AP3S1: variants seen among roughly 807,000 people sequenced by gnomAD.
AP3S1 encodes AP-3 complex subunit sigma-1.
In AP3S1, 12 loss-of-function variants were observed where a neutral mutation model predicts 21.3. The observed-to-expected ratio is 0.56, with a 90% CI of 0.36 to 0.91. The LOEUF (loss-of-function observed/expected upper bound fraction) is 0.91. Ranked by LOEUF, AP3S1 falls within the 40% of genes least tolerant of loss-of-function variation. The probability of loss-of-function intolerance (pLI) is 0.01; values close to 1 mark genes in which losing one functional copy is unlikely to be tolerated. For synonymous variants in AP3S1, 48 were observed against 78.4 expected (o/e 0.61, Z 2.05); for missense variants, 116 against 225.0 (o/e 0.52, Z 3.10).
At chr5:115,884,322 T>A (rs1749572462) in intron 3 of AP3S1, among the ~76,000 whole-genome samples, 1 of 152,216 alleles carries the variant, frequency 6.6e-6, no homozygotes, top group Non-Finnish European at 1.5e-5. Flanking sequence ...CCTTTACTTT[T>A]CAGCTTAAAA....
intron 5 of AP3S1, 28 bp from the exon 6 acceptor site, chr5:115,913,334 T>C: frequency 6.3e-7 from 1 of 1,583,822 alleles, no homozygotes; most frequent in South Asian, 1.2e-5. Context: ...GTACATTTTC[T>C]TTTTCTTTTA....
chr5:115,905,994 A>AGT (rs1010777470), intron 5 of AP3S1, among the ~76,000 whole-genome samples: 1 of 152,124 alleles, frequency 6.6e-6, no homozygotes, highest in Non-Finnish European at 1.5e-5. Context: ...CGTCTCTACT[A>AGT]AAAATACAAA....
intron 3 of AP3S1, among the ~76,000 whole-genome samples, chr5:115,874,939 C>A (rs1249479341): frequency 6.6e-6 from 1 of 152,024 alleles, no homozygotes; most frequent in African/African-American, 2.4e-5. Context: ...CCCTAACTTT[C>A]CTCATCCACA....
chr5:115,910,232 C>G (rs1226625940), intron 5 of AP3S1, among the ~76,000 whole-genome samples: 1 of 150,166 alleles, frequency 6.7e-6, no homozygotes, highest in African/African-American at 2.5e-5. Flanking sequence ...ATCACTCACT[C>G]CACTGTGGGT....
intron 1 of AP3S1, chr5:115,852,865 A>G (rs901028597): frequency 1.3e-5 from 4 of 318,706 alleles, no homozygotes; most frequent in East Asian, 8.2e-5. Flanking sequence ...TTGTTTGTCC[A>G]TTTATCAATT....
intron 1 of AP3S1, among the ~76,000 whole-genome samples, chr5:115,851,562 G>A (rs1343301144): frequency 6.6e-6 from 1 of 152,028 alleles, no homozygotes; most frequent in Non-Finnish European, 1.5e-5. Context: ...CATTTCTTTA[G>A]TGACTAGTGC....
Position 115,866,653 on chromosome 5 carries a change from G to T in AP3S1, c.70-17G>T. On this transcript the variant is annotated splice_polypyrimidine_tract_variant and intron_variant, in intron 1 of 5. Transcript: ENST00000316788. Reference sequence around the variant, plus strand: ...CTATACACTCCATCCTAATATATATGAATTATTCTTCCTCAGAGTGAAGAT... The same window carrying T: ...CTATACACTCCATCCTAATATATATTAATTATTCTTCCTCAGAGTGAAGAT... The T allele has an allele frequency of 6.5e-7, 1 of 1,541,656 alleles. No homozygotes were observed. The highest frequency in any genetic ancestry group is 1.2e-5 in the South Asian group (1 of 85,756).
At chr5:115,863,411 A>G (rs1440925856) in intron 1 of AP3S1, among the ~76,000 whole-genome samples, 1 of 151,884 alleles carries the variant, frequency 6.6e-6, no homozygotes, top group Non-Finnish European at 1.5e-5. Context: ...AAATAAAAAT[A>G]AAAATACAAA....
Position 115,892,218 on chromosome 5 carries a change from T to C in AP3S1, c.274-2869T>C, listed in dbSNP as rs6892810. Among the ~76,000 whole-genome samples the C allele has an allele frequency of 6.3e-3, 955 of 152,240 alleles. 10 individuals carry two copies. Among genetic ancestry groups the C allele is most frequent in the African/African-American group, 0.022 (911 of 41,556 alleles). On this transcript the variant is annotated intron_variant, in intron 3 of 5. Coordinates refer to ENST00000316788, the MANE Select transcript of AP3S1 (RefSeq NM_001284.4). ...AACCCTTGTACACTTGGTGAGAACA[T>C]AAATTAGCACAGCCACCATGGGGAG...
chr5:115,866,728 A>G lies in AP3S1; in HGVS notation c.128A>G (p.Asp43Gly), dbSNP rs548083641. 11 of 1,605,286 alleles carry G rather than the reference A, an allele frequency of 6.9e-6. No individual in the cohort carries two copies. The highest frequency in any genetic ancestry group is 2.2e-5 in the South Asian group (2 of 89,814). Reference sequence around the variant, plus strand: ...ACTTTCCATTTGGTATCTAAGAGAGATGAAAATGTTTGTAATTTCCTAGAA... The same window carrying G: ...ACTTTCCATTTGGTATCTAAGAGAGGTGAAAATGTTTGTAATTTCCTAGAA... ...RETFHLVSKR[D>G]ENVCNFLEGG... Residue 43 changes from aspartate (D) to glycine (G), a missense_variant, in exon 2 of 6, where the codon GAT becomes GGT. This residue lies in a region of AP3S1 where 50 missense variants were observed against 55.5 expected (regional missense o/e 0.90). Coordinates refer to ENST00000316788, the MANE Select transcript of AP3S1 (RefSeq NM_001284.4).
chr5:115,866,955 A>C (rs1238635589), intron 2 of AP3S1, among the ~76,000 whole-genome samples, 194 bp downstream of exon 2: 1 of 152,108 alleles, frequency 6.6e-6, no homozygotes, highest in Admixed American at 6.5e-5. Flanking sequence ...TCCTCTTAAA[A>C]ATTTTGGAAG....
chr5:115,866,806 A>G (rs755880603), intron 2 of AP3S1, 45 bp downstream of exon 2: 9 of 1,321,934 alleles, frequency 6.8e-6, no homozygotes, highest in Admixed American at 1.9e-5. Context: ...TGACTATGTG[A>G]TTAAAATATA....
At chr5:115,892,305 G>C (rs1750376458) in intron 3 of AP3S1, among the ~76,000 whole-genome samples, 1 of 151,992 alleles carries the variant, frequency 6.6e-6, no homozygotes, top group Non-Finnish European at 1.5e-5. Context: ...CTCACTGCTG[G>C]GTATATATTC....
At chr5:115,910,318 A>G (rs190100919) in intron 5 of AP3S1, among the ~76,000 whole-genome samples, 2 of 152,106 alleles carry the variant, frequency 1.3e-5, no homozygotes, top group East Asian at 3.9e-4. Flanking sequence ...CTCTATCACA[A>G]TATTGTACTG....
At chr5:115,891,385 A>C (rs557882280) in intron 3 of AP3S1, among the ~76,000 whole-genome samples, 1 of 152,104 alleles carries the variant, frequency 6.6e-6, no homozygotes, top group Non-Finnish European at 1.5e-5. Flanking sequence ...ATAGTATCAG[A>C]TCCCATGACA....
intron 5 of AP3S1, 83 bp from the exon 6 acceptor site, chr5:115,913,279 A>ATTGTAAGTCT: frequency 1.0e-6 from 1 of 1,002,676 alleles, no homozygotes; most frequent in Admixed American, 4.3e-5. Context: ...ATCTTTTATC[A>ATTGTAAGTCT]TTGTCTTCCA....
At chr5:115,909,089 GA>G (rs33934633) in intron 5 of AP3S1, 147,596 of 442,172 alleles carry the variant, frequency 0.33, 22,307 homozygotes, top group Admixed American at 0.49. Flanking sequence ...ATTCAAACTT[GA>G]AAAAAAAAAA....
intron 3 of AP3S1, among the ~76,000 whole-genome samples, chr5:115,873,544 G>A (rs2112849245): frequency 6.6e-6 from 1 of 152,216 alleles, no homozygotes; most frequent in South Asian, 2.1e-4. Context: ...GGAACATGTT[G>A]GAAGTTCTGT....
At chr5:115,879,314 G>A (rs2112866461) in intron 3 of AP3S1, among the ~76,000 whole-genome samples, 1 of 152,304 alleles carries the variant, frequency 6.6e-6, no homozygotes, top group Middle Eastern at 3.4e-3. Flanking sequence ...TGCCCATTCA[G>A]TATGATATTG....
Sources: gnomAD v4.1 joint callset for allele counts (sites outside exome capture counted in the v4.1 genomes callset) on GRCh38, gnomAD v4.1.1 for gene constraint, gnomAD v4.1.1 regional missense constraint, MANE v1.5 for transcripts, NCBI Gene and HGNC (gene_info 2026-07-23, HGNC 2026-07-21) for gene names.